Variants in ETV7 observed in about 807,000 individuals in gnomAD.
ETV7 encodes transcription factor ETV7.
In ETV7, 43 loss-of-function variants were observed where a neutral mutation model predicts 39.1. That is an observed-to-expected ratio of 1.10 (90% CI 0.86 to 1.42). ETV7 has a LOEUF of 1.42. Among genes scored for constraint, ETV7 ranks in the 40% most tolerant of loss-of-function variants. The probability of loss-of-function intolerance (pLI) is 0.00; values close to 1 mark genes in which losing one functional copy is unlikely to be tolerated. For synonymous variants in ETV7, 196 were observed against 176.6 expected (o/e 1.11, Z -0.87); for missense variants, 432 against 442.3 (o/e 0.98, Z 0.21).
downstream of ETV7, among the ~76,000 whole-genome samples, chr6:36,363,548 T>G (rs1036004940): frequency 1.3e-5 from 2 of 152,256 alleles, no homozygotes; most frequent in African/African-American, 4.8e-5. Context: ...GCGTTACAGC[T>G]AATAAAAGCA....
intron 7 of ETV7, among the ~76,000 whole-genome samples, chr6:36,356,847 T>C (rs1205403870): frequency 6.6e-6 from 1 of 152,214 alleles, no homozygotes; most frequent in Non-Finnish European, 1.5e-5. Flanking sequence ...ATTAAGGCAT[T>C]GTCCTGTGAA....
intron 7 of ETV7, among the ~76,000 whole-genome samples, chr6:36,359,457 AAAAAAG>A (rs1425058022): frequency 6.6e-6 from 1 of 150,430 alleles, no homozygotes; most frequent in African/African-American, 2.5e-5. Context: ...GTCTCAAAAA[AAAAAAG>A]AAAAAAGAAA....
chr6:36,370,087 T>A (rs994436124), intron 5 of ETV7, among the ~76,000 whole-genome samples: 7 of 152,208 alleles, frequency 4.6e-5, no homozygotes, highest in Non-Finnish European at 2.9e-5. Flanking sequence ...TTGGGCCAAT[T>A]GTTTTTTAGT....
intron 3 of ETV7, among the ~76,000 whole-genome samples, chr6:36,374,464 G>A (rs957276177): frequency 6.6e-6 from 1 of 152,190 alleles, no homozygotes; most frequent in Non-Finnish European, 1.5e-5. Flanking sequence ...GGGATCTGTG[G>A]GTAGAGAGCC....
At chr6:36,364,513 C>T (rs1258181235), downstream of ETV7, among the ~76,000 whole-genome samples, 1 of 152,238 alleles carries the variant, frequency 6.6e-6, no homozygotes, top group Non-Finnish European at 1.5e-5. Flanking sequence ...CAGGGCCGGC[C>T]GGCTGCTCCG....
Position 36,369,019 on chromosome 6 carries a change from A to G in ETV7, c.717T>C (p.Tyr239=), listed in dbSNP as rs767962368. ...TGTCTTCCCACTTGATGTAGGGCTC[A>G]TATCGGGTATCAAGGAGCAGCTGAT... ...YVYQLLLDTR[Y]EPYIKWEDKD... Residue 239 remains tyrosine (Y), a synonymous_variant, in exon 6 of 8, where the codon TAT becomes TAC. Coordinates refer to ENST00000340181, the MANE Select transcript of ETV7 (RefSeq NM_016135.4). The G allele has an allele frequency of 1.2e-6, 2 of 1,614,214 alleles. No homozygotes were observed. Among genetic ancestry groups the G allele is most frequent in the South Asian group, 1.1e-5 (1 of 91,092 alleles).
chr6:36,371,193 C>T, intron 5 of ETV7, 137 bp downstream of exon 5: 2 of 852,270 alleles, frequency 2.3e-6, no homozygotes, highest in South Asian at 1.5e-5. Flanking sequence ...GCACACAGGA[C>T]AGTCAACGCT....
intron 2 of ETV7, among the ~76,000 whole-genome samples, chr6:36,380,161 A>G (rs1773582528): frequency 6.6e-6 from 1 of 152,170 alleles, no homozygotes; most frequent in South Asian, 2.1e-4. Flanking sequence ...ACAGGGTCCA[A>G]CACCTGGTGG....
At chr6:36,357,497 C>T (rs1473043299) in intron 7 of ETV7, among the ~76,000 whole-genome samples, 6 of 152,110 alleles carry the variant, frequency 3.9e-5, no homozygotes, top group Non-Finnish European at 8.8e-5. Flanking sequence ...AAAAGTCACT[C>T]AAAAGGAGCA....
chr6:36,376,892 G>A (rs1019920272), intron 2 of ETV7, among the ~76,000 whole-genome samples: 2 of 152,176 alleles, frequency 1.3e-5, no homozygotes, highest in African/African-American at 4.8e-5. Flanking sequence ...GCACAGCCGG[G>A]CTGTCTGGCT....
chr6:36,363,769 C>A (rs1373859375), downstream of ETV7, among the ~76,000 whole-genome samples: 1 of 146,354 alleles, frequency 6.8e-6, no homozygotes, highest in Non-Finnish European at 1.5e-5. Flanking sequence ...TCTCCACCTC[C>A]CCACCAGATT....
intron 2 of ETV7, among the ~76,000 whole-genome samples, chr6:36,380,111 C>A (rs1299956135): frequency 6.6e-6 from 1 of 152,110 alleles, no homozygotes; most frequent in Non-Finnish European, 1.5e-5. Context: ...ACACATAGAG[C>A]TATAAATGTC....
At position 36,366,480 on chromosome 6, in the gene ETV7, T is replaced by C. The variant is rs1019719746; in HGVS notation, c.*165A>G. The C allele has an allele frequency of 4.7e-6, 7 of 1,491,332 alleles. No homozygotes were observed. In the African/African-American group the frequency reaches 7.0e-5, roughly 15 times the overall value. 92.4% of individuals were successfully genotyped at this position (1,491,332 alleles called of 1,614,324 possible). ...CAAAAGATGACACTCCTGCCCCCAG[T>C]GTCCTGGATGGGAGGCCTCCCAGCC... On this transcript the variant is annotated 3_prime_UTR_variant, in exon 8 of 8. Coordinates refer to ENST00000340181, the MANE Select transcript of ETV7 (RefSeq NM_016135.4).
chr6:36,372,301 G>A (rs1159909214), intron 4 of ETV7, among the ~76,000 whole-genome samples: 1 of 152,202 alleles, frequency 6.6e-6, no homozygotes, highest in Non-Finnish European at 1.5e-5. Context: ...GAAGGCCCGT[G>A]TGTCTGGAGC....
downstream of ETV7, among the ~76,000 whole-genome samples, chr6:36,361,770 A>C (rs1249911609): frequency 6.6e-6 from 1 of 152,216 alleles, no homozygotes; most frequent in East Asian, 1.9e-4. Context: ...TATTATACTC[A>C]TTTTTCATAA....
chr6:36,358,861 C>G (rs1772404161), intron 7 of ETV7, among the ~76,000 whole-genome samples: 1 of 152,254 alleles, frequency 6.6e-6, no homozygotes, highest in Admixed American at 6.5e-5. Flanking sequence ...ATATTTAGAA[C>G]TCTGGGGCTT....
intron 7 of ETV7, among the ~76,000 whole-genome samples, chr6:36,356,334 A>AAAAC (rs1772339522): frequency 6.6e-6 from 1 of 150,918 alleles, no homozygotes; most frequent in South Asian, 2.1e-4. Context: ...AAAAAAAAAA[A>AAAAC]AAAAACAAAA....
intron 2 of ETV7, among the ~76,000 whole-genome samples, chr6:36,381,805 AG>A (rs1773667934): frequency 6.6e-6 from 1 of 152,178 alleles, no homozygotes; most frequent in Non-Finnish European, 1.5e-5. Flanking sequence ...GGGAGGATGG[AG>A]GTGAAATCCA....
Position 36,387,528 on chromosome 6 carries a change from G to C in ETV7, c.6+8C>G. 1 of 1,614,132 alleles carries C rather than the reference G, an allele frequency of 6.2e-7. No individual in the cohort carries two copies. Among genetic ancestry groups the C allele is most frequent in the Non-Finnish European group, 8.5e-7 (1 of 1,180,040 alleles). On this transcript the variant is annotated splice_region_variant and intron_variant, in intron 1 of 7. Transcript: ENST00000340181. ...TGCGCGCTGCGTGTTCAGCCGCCAG[G>C]CTCTTACCTGCATTACAGGTGGAGG... is the stretch of plus-strand genomic sequence containing the variant.
Sources: gnomAD v4.1 joint callset for allele counts (sites outside exome capture counted in the v4.1 genomes callset) on GRCh38, gnomAD v4.1.1 for gene constraint, MANE v1.5 for transcripts, NCBI Gene and HGNC (gene_info 2026-07-23, HGNC 2026-07-21) for gene names.